The following PDIA4 variants were observed in gnomAD, a reference collection of about 807,000 sequenced individuals.
PDIA4 encodes protein disulfide isomerase family A member 4.
Under a neutral mutation model 62.1 loss-of-function variants are expected in PDIA4, and 33 were observed. The ratio of observed to expected loss-of-function variants is 0.53; its 90% CI spans 0.40 to 0.71. PDIA4 has a LOEUF of 0.71. PDIA4 is among the 30% of genes least tolerant of loss of function. PDIA4 has a pLI of 0.00. For missense variants in PDIA4, 804 were observed against 813.6 expected (o/e 0.99, Z 0.14); for synonymous variants, 341 against 324.1 (o/e 1.05, Z -0.56).
intron 2 of PDIA4, among the ~76,000 whole-genome samples, chr7:149,019,541 G>A (rs1027127361): frequency 5.3e-5 from 8 of 152,158 alleles, no homozygotes; most frequent in Non-Finnish European, 1.2e-4. Context: ...GCAGTATGGC[G>A]AAACTCCATC....
At chr7:149,006,163 T>G in intron 7 of PDIA4, 110 bp from the exon 8 acceptor site, 4 of 1,179,682 alleles carry the variant, frequency 3.4e-6, no homozygotes. Context: ...GGGATCAGTC[T>G]TAGGAGGCAA....
chr7:149,020,912 G>A, intron 2 of PDIA4, 55 bp downstream of exon 2: 1 of 1,582,128 alleles, frequency 6.3e-7, no homozygotes, highest in Non-Finnish European at 8.6e-7. Context: ...GTGAAGGGCT[G>A]AGCGAATGGA....
rs1217429222 is a variant in PDIA4, at chr7:149,012,237, C to T, written c.738G>A (p.Arg246=). ...DATAETDLAK[R]FDVSGYPTLK... is the part of the protein sequence containing the mutation. ...GGGTGGGATAGCCAGAGACATCAAA[C>T]CTCTTGGCCAGGTCTGTTTCTGCGG... Residue 246 remains arginine (R), a synonymous_variant, in exon 5 of 10, where the codon AGG becomes AGA. Transcript: ENST00000652332. 8 of 1,614,024 alleles carry T rather than the reference C, an allele frequency of 5.0e-6. No homozygotes were observed. Among genetic ancestry groups the T allele is most frequent in the Non-Finnish European group, 6.8e-6 (8 of 1,180,028 alleles).
rs1333347012 is a variant in PDIA4, at chr7:149,011,990, T to C, written c.835A>G (p.Met279Val). 1.3e-6 allele frequency: 2 copies of C among 1,593,778 alleles called. No homozygotes were observed. Among genetic ancestry groups the C allele is most frequent in the Non-Finnish European group, 1.7e-6 (2 of 1,168,802 alleles). Residue 279 changes from methionine to valine, a missense_variant, in exon 6 of 10, where the codon ATG becomes GTG. Met to Val is a conservative substitution (Grantham distance 21). Transcript: ENST00000652332. ...GAGGGAGGCCCGGACTGCTCGATCA[T>C]GTAATCAACGATTCCTGGGAGCAGG... ...PREKYGIVDY[M>V]IEQSGPPSKE...
intron 3 of PDIA4, among the ~76,000 whole-genome samples, chr7:149,015,492 C>CCA (rs1491248272): frequency 9.6e-6 from 1 of 104,420 alleles, no homozygotes; most frequent in Non-Finnish European, 2.0e-5. Context: ...AAGATGTATG[C>CCA]AAAAAAAAAA....
At chr7:149,007,016 C>T (rs1216181757) in intron 7 of PDIA4, among the ~76,000 whole-genome samples, 3 of 152,152 alleles carry the variant, frequency 2.0e-5, no homozygotes, top group African/African-American at 4.8e-5. Context: ...CAATGGCCCC[C>T]CAAGCTCATC....
chr7:149,012,562 T>C (rs1261391496), intron 4 of PDIA4, among the ~76,000 whole-genome samples: 1 of 152,148 alleles, frequency 6.6e-6, no homozygotes, highest in African/African-American at 2.4e-5. Context: ...TCCCACAGCA[T>C]TCACACACTG....
chr7:149,004,541 C>T (rs575893828), intron 9 of PDIA4, among the ~76,000 whole-genome samples: 1 of 152,354 alleles, frequency 6.6e-6, no homozygotes, highest in African/African-American at 2.4e-5. Context: ...GCCAGGACAA[C>T]CCACAGACAT....
At chr7:149,008,342 G>A in intron 6 of PDIA4, 32 bp from the exon 7 acceptor site, 1 of 1,592,300 alleles carries the variant, frequency 6.3e-7, no homozygotes, top group Non-Finnish European at 8.6e-7. Flanking sequence ...ATGTAATTTT[G>A]AAAATTGCCT....
intron 3 of PDIA4, among the ~76,000 whole-genome samples, chr7:149,017,672 TCAAAA>T (rs1431333681): frequency 2.0e-5 from 3 of 150,334 alleles, no homozygotes; most frequent in Admixed American, 1.3e-4. Flanking sequence ...ATACATTTTA[TCAAAA>T]TAAAATACAT....
intron 1 of PDIA4, among the ~76,000 whole-genome samples, chr7:149,024,631 C>G (rs1465219694): frequency 2.6e-5 from 4 of 151,576 alleles, no homozygotes; most frequent in Non-Finnish European, 5.9e-5. Context: ...TGGCCAACAT[C>G]GTGAAACCCT....
In PDIA4 at chr7:149,003,932, G is replaced by A. The variant is rs374274813; in HGVS notation, c.1800C>T (p.Phe600=). 2.5e-6 allele frequency: 4 copies of A among 1,613,664 alleles called. No individual in the cohort carries two copies. Among genetic ancestry groups the A allele is most frequent in the Admixed American group, 3.3e-5 (2 of 59,942 alleles). The change falls in exon 10 of 10, where the codon TTC becomes TTT. Residue 600 remains phenylalanine, a synonymous_variant. Transcript: ENST00000652332. ...VPSDRYKVEG[F]PTIYFAPSGD... is the part of the protein sequence containing the mutation. ...CACTGGGGGCGAAGTAGATGGTGGG[G>A]AAGCCCTCCACCTTATAGCGGTCGC... is the stretch of plus-strand genomic sequence containing the variant.
At chr7:149,004,520 G>C (rs905124020) in intron 9 of PDIA4, among the ~76,000 whole-genome samples, 3 of 152,206 alleles carry the variant, frequency 2.0e-5, no homozygotes, top group East Asian at 1.9e-4. Flanking sequence ...CGGGAGCCAT[G>C]GGGGGGAGGT....
chr7:149,009,318 C>T (rs11976467), intron 6 of PDIA4, among the ~76,000 whole-genome samples: 2 of 152,232 alleles, frequency 1.3e-5, no homozygotes, highest in Admixed American at 1.3e-4. Context: ...AACAAAAAAA[C>T]CCCGGAAAAG....
Position 149,008,177 on chromosome 7 carries a change from G to A in PDIA4, c.1113C>T (p.Ser371=), listed in dbSNP as rs773336460. 6.2e-7 allele frequency: 1 copy of A among 1,613,904 alleles called. No individual in the cohort carries two copies. The highest frequency in any genetic ancestry group is 2.2e-5 in the East Asian group (1 of 44,864). The part of the protein sequence containing the change: ...EKFQSKYEPR[S]HMMDVQGSTQ... ...CGCTTACCTGGACGTCCATCATGTG[G>A]CTCCGGGGCTCATACTTGGACTGGA... The change falls in exon 7 of 10, where the codon AGC becomes AGT. Residue 371 remains serine (S), a synonymous_variant. Coordinates refer to ENST00000652332, the MANE Select transcript of PDIA4 (RefSeq NM_004911.5).
intron 6 of PDIA4, among the ~76,000 whole-genome samples, chr7:149,009,424 A>G (rs972323459): frequency 1.3e-5 from 2 of 152,222 alleles, no homozygotes; most frequent in Admixed American, 1.3e-4. Flanking sequence ...TGGAGCCCAC[A>G]TGAGCAGCAC....
chr7:149,005,799 T>C, intron 8 of PDIA4, 98 bp downstream of exon 8: 1 of 996,036 alleles, frequency 1.0e-6, no homozygotes, highest in Non-Finnish European at 1.4e-6. Flanking sequence ...GAGTGAGCCA[T>C]GTACATACAG....
chr7:149,003,829 C>A lies in PDIA4; in HGVS notation c.1903G>T (p.Ala635Ser). 1 of 1,585,650 alleles carries A rather than the reference C, an allele frequency of 6.3e-7. No homozygotes were observed. The highest frequency in any genetic ancestry group is 8.6e-7 in the Non-Finnish European group (1 of 1,165,834). Residue 635 changes from alanine to serine, a missense_variant, in exon 10 of 10, where the codon GCC becomes TCC. By Grantham distance (99) the Ala-to-Ser change is moderately conservative. Transcript: ENST00000652332. ...TCCTTGGTCCTGCTCAGTTTTGTGG[C>A]ATGTTCTTCTATAAACTTGCTCAAA... ...EHLSKFIEEH[A>S]TKLSRTKEEL
At chr7:149,016,815 A>G (rs1167733713) in intron 3 of PDIA4, among the ~76,000 whole-genome samples, 2 of 152,190 alleles carry the variant, frequency 1.3e-5, no homozygotes, top group Non-Finnish European at 2.9e-5. Context: ...CCAGCCTACT[A>G]GTACCTTCTT....
Sources: gnomAD v4.1 joint callset for allele counts (sites outside exome capture counted in the v4.1 genomes callset) on GRCh38, gnomAD v4.1.1 for gene constraint, MANE v1.5 for transcripts, NCBI Gene and HGNC (gene_info 2026-07-23, HGNC 2026-07-21) for gene names.